The following DYRK1B variants were observed in gnomAD, a reference collection of about 807,000 sequenced individuals.
The protein encoded by DYRK1B is dual specificity tyrosine phosphorylation regulated kinase 1B.
A neutral mutation model predicts 57.1 loss-of-function variants in DYRK1B; 20 were observed. The ratio of observed to expected loss-of-function variants is 0.35; its 90% confidence interval spans 0.25 to 0.51. The LOEUF (loss-of-function observed/expected upper bound fraction) is 0.51. Ranked by LOEUF, DYRK1B falls within the 20% of genes least tolerant of loss-of-function variation. The pLI, the probability that DYRK1B is intolerant of heterozygous loss-of-function variation, is 0.96. For missense variants in DYRK1B, 732 were observed against 886.3 expected, an observed-to-expected ratio of 0.83 and a Z score of 2.21; for synonymous variants, 409 against 384.7, an observed-to-expected ratio of 1.06 and a Z score of -0.74.
rs147939499 is a variant in DYRK1B, at chr19:39,826,114, T to C, written c.1519-28A>G. The C allele has an allele frequency of 1.1e-3, 1,688 of 1,547,670 alleles. 15 individuals are homozygous for C. In the African/African-American group the frequency reaches 0.013, roughly 12 times the overall value. On this transcript the variant is annotated intron_variant, in intron 10 of 10. Coordinates refer to ENST00000323039, the MANE Select transcript of DYRK1B (RefSeq NM_004714.3). The surrounding 1 kb of genome is among the most constrained non-coding windows in gnomAD (Gnocchi z 6.3). ...AAAAAAGCAAAGGAGCCATGGGTGA[T>C]GGAGACCCTGGTCTCTAAGCCCCAG... is the stretch of plus-strand genomic sequence containing the variant.
At chr19:39,831,730 C>A in intron 2 of DYRK1B, 75 bp downstream of exon 2, 1 of 1,532,990 alleles carries the variant, frequency 6.5e-7, no homozygotes, top group African/African-American at 1.4e-5. Flanking sequence ...ACCACACTAC[C>A]TTTTGGTCTG....
In DYRK1B at chr19:39,827,673, C is replaced by G. The variant is rs750833274; in HGVS notation, c.808-17G>C. On this transcript the variant is annotated splice_polypyrimidine_tract_variant and intron_variant, in intron 6 of 10. Transcript: ENST00000323039. The stretch of plus-strand genomic sequence containing the variant: ...CTGGTAGATCTGGGAAAAGGGTAAT[C>G]GTCAAGGGACCCAGCCTCCCCTACT... 1 of 1,608,760 alleles carries G rather than the reference C, an allele frequency of 6.2e-7. No individual in the cohort carries two copies. The highest frequency in any genetic ancestry group is 8.5e-7 in the Non-Finnish European group (1 of 1,175,902).
rs1968599422 is a variant in DYRK1B, at chr19:39,827,514, T to C, written c.950A>G (p.Asn317Ser). 3 of 1,613,796 alleles carry C rather than the reference T, an allele frequency of 1.9e-6. No individual in the cohort carries two copies. Among genetic ancestry groups the C allele is most frequent in the East Asian group, 4.5e-5 (2 of 44,872 alleles). ...HTGEPLFSGSNEVDQMNRIVE... is the reference protein window; with the variant it reads ...HTGEPLFSGSSEVDQMNRIVE... ...CACCCCTTCCTGGGGGCACACCTCATTGGAGCCACTGAAGAGGGGCTCTCC... is the reference window on the plus strand; with the variant it reads ...CACCCCTTCCTGGGGGCACACCTCACTGGAGCCACTGAAGAGGGGCTCTCC... Residue 317 changes from asparagine (N) to serine (S), a missense_variant, in exon 7 of 11, where the codon AAT becomes AGT. Around this residue, in one of 2 missense-constraint regions of DYRK1B, gnomAD observed 510 missense variants for 681.3 expected, o/e 0.75. Coordinates refer to ENST00000323039, the MANE Select transcript of DYRK1B (RefSeq NM_004714.3).
Position 39,830,715 on chromosome 19 carries a change from C to A in DYRK1B, c.132G>T (p.Pro44=), listed in dbSNP as rs142076547. 2 of 1,614,140 alleles carry A rather than the reference C, an allele frequency of 1.2e-6. No individual in the cohort carries two copies. Residue 44 remains proline (P), a synonymous_variant, in exon 3 of 11, where the codon CCG becomes CCT. Coordinates refer to ENST00000323039, the MANE Select transcript of DYRK1B (RefSeq NM_004714.3). ...PLAFRDATSA[P]LRKLSVDLIK... ...TGAGGTCCACAGAGAGCTTACGCAGCGGGGCTGAGGTTGCATCCCGGAAGG... is the reference window on the plus strand; with the variant it reads ...TGAGGTCCACAGAGAGCTTACGCAGAGGGGCTGAGGTTGCATCCCGGAAGG...
intron 5 of DYRK1B, among the ~76,000 whole-genome samples, chr19:39,829,548 G>A (rs762871996): frequency 2.0e-5 from 3 of 152,146 alleles, no homozygotes; most frequent in Non-Finnish European, 2.9e-5. Context: ...TTTTATTGAA[G>A]AAGAAACTAG....
At position 39,825,719 on chromosome 19, in the gene DYRK1B, G is replaced by A. The variant is rs777521243; in HGVS notation, c.1886C>T (p.Ser629Leu). ...GGCCCCAGGGAGGGGGCAGGGTCACGAGCTGGCTGCTGTGCTCTGGGGTAC... is the reference window on the plus strand; with the variant it reads ...GGCCCCAGGGAGGGGGCAGGGTCACAAGCTGGCTGCTGTGCTCTGGGGTAC... ...RGVPQSTAAS[S>L] Residue 629 changes from serine (S) to leucine (L), a missense_variant, in exon 11 of 11, where the codon TCG becomes TTG. This residue lies in a region of DYRK1B where 222 missense variants were observed against 205.0 expected (regional missense o/e 1.08). Coordinates refer to ENST00000323039, the MANE Select transcript of DYRK1B (RefSeq NM_004714.3). The A allele has an allele frequency of 1.3e-5, 20 of 1,550,146 alleles. No homozygotes were observed. The highest frequency in any genetic ancestry group is 4.9e-5 in the East Asian group (2 of 40,986).
chr19:39,833,394 C>T (rs1968918950), intron 1 of DYRK1B: 2 of 980,022 alleles, frequency 2.0e-6, no homozygotes, highest in Non-Finnish European at 2.4e-6. Context: ...CTGGCCCGGC[C>T]GGCCCCGCGG....
At chr19:39,827,014 G>GGCC in intron 8 of DYRK1B, 27 bp from the exon 9 acceptor site, 7 of 419,594 alleles carry the variant, frequency 1.7e-5, no homozygotes, top group Non-Finnish European at 3.0e-5. Context: ...GGGAGGGGGG[G>GGCC]CAAGAGAGTG....
rs1968499569 is a variant in DYRK1B, at chr19:39,825,803, G to T, written c.1802C>A (p.Pro601Gln). The T allele has an allele frequency of 1.3e-6, 2 of 1,589,450 alleles. No homozygotes were observed. Among genetic ancestry groups the T allele is most frequent in the Admixed American group, 3.6e-5 (2 of 55,260 alleles). The change falls in exon 11 of 11, where the codon CCA (proline) becomes CAA (glutamine). Residue 601 changes from proline to glutamine, a missense_variant. This residue lies in a region of DYRK1B where 222 missense variants were observed against 205.0 expected (regional missense o/e 1.08). Coordinates refer to ENST00000323039, the MANE Select transcript of DYRK1B (RefSeq NM_004714.3). Reference sequence around the variant, plus strand: ...AGGGTCATCAGGAGGCGGGAGGGGTGGACGACCTCCAGTCATCCGAGTCCG... The same window carrying T: ...AGGGTCATCAGGAGGCGGGAGGGGTTGACGACCTCCAGTCATCCGAGTCCG... ...ALRTRMTGGRPPLPPPDDPAT... is the reference protein window; with the variant it reads ...ALRTRMTGGRQPLPPPDDPAT...
rs772161282 is a variant in DYRK1B, at chr19:39,830,531, C to G, written c.216G>C (p.Gln72His). 1 of 1,612,950 alleles carries G rather than the reference C, an allele frequency of 6.2e-7. No homozygotes were observed. The highest frequency in any genetic ancestry group is 2.2e-5 in the East Asian group (1 of 44,890). ...VYYAKKKRRAQQAPPQDSSNK... is the reference protein window; with the variant it reads ...VYYAKKKRRAHQAPPQDSSNK... The stretch of plus-strand genomic sequence containing the variant: ...TGCTCGAATCCTGGGGTGGCGCCTG[C>G]TGGGCCCGCCGCTTCTTCTTCGCAT... Residue 72 changes from glutamine (Q) to histidine (H), a missense_variant, in exon 4 of 11, where the codon CAG becomes CAC. Gln to His is a conservative substitution (Grantham distance 24). Around this residue, in one of 2 missense-constraint regions of DYRK1B, gnomAD observed 510 missense variants for 681.3 expected, o/e 0.75. Coordinates refer to ENST00000323039, the MANE Select transcript of DYRK1B (RefSeq NM_004714.3).
At position 39,827,282 on chromosome 19, in the gene DYRK1B, C is replaced by T. The variant is rs1568530446; in HGVS notation, c.1095+3G>A. 6.2e-7 allele frequency: 1 copy of T among 1,608,176 alleles called. No homozygotes were observed. The highest frequency in any genetic ancestry group is 1.7e-4 in the Middle Eastern group (1 of 5,756). On this transcript the variant is annotated splice_donor_region_variant and intron_variant, in intron 8 of 10. Transcript: ENST00000323039. ...GAGGAGTGGCATGGGGCAGGGGCCG[C>T]ACCTTCCTGAGTTCTTTCGTCCTTC...
Position 39,830,044 on chromosome 19 carries a change from T to C in DYRK1B, c.373-17A>G, listed in dbSNP as rs756514911. ...TTTCACCACCTGTTGGGGCAGGGCA[T>C]GTCACGAAGAAAGGGGTGGGAGCAG... On this transcript the variant is annotated splice_polypyrimidine_tract_variant and intron_variant, in intron 4 of 10. Coordinates refer to ENST00000323039, the MANE Select transcript of DYRK1B (RefSeq NM_004714.3). 1.2e-5 allele frequency: 19 copies of C among 1,613,182 alleles called. No individual in the cohort carries two copies. The highest frequency in any genetic ancestry group is 2.7e-5 in the African/African-American group (2 of 74,834).
Position 39,825,808 on chromosome 19 carries a change from A to G in DYRK1B, c.1797T>C (p.Gly599=), listed in dbSNP as rs943781686. 6.3e-7 allele frequency: 1 copy of G among 1,597,278 alleles called. No homozygotes were observed. Among genetic ancestry groups the G allele is most frequent in the Admixed American group, 1.8e-5 (1 of 56,918 alleles). Residue 599 remains glycine, a synonymous_variant, in exon 11 of 11, where the codon GGT becomes GGC. Transcript: ENST00000323039. ...ASALRTRMTG[G]RPPLPPPDDP... The stretch of plus-strand genomic sequence containing the variant: ...CATCAGGAGGCGGGAGGGGTGGACG[A>G]CCTCCAGTCATCCGAGTCCGGAGGG...
At chr19:39,833,031 G>C (rs1968895973) in intron 1 of DYRK1B, 1 of 985,160 alleles carries the variant, frequency 1.0e-6, no homozygotes, top group South Asian at 4.7e-5. Flanking sequence ...CACTCCTAGA[G>C]GGCCTCAAAG....
At position 39,831,144 on chromosome 19, in the gene DYRK1B, C is replaced by T. The variant is rs147360540; in HGVS notation, c.64-361G>A. Among the ~76,000 whole-genome samples the T allele has an allele frequency of 1.5e-3, 230 of 152,240 alleles. 1 individual carries two copies. Among genetic ancestry groups the T allele is most frequent in the African/African-American group, 5.2e-3 (218 of 41,542 alleles). On this transcript the variant is annotated intron_variant, in intron 2 of 10. Coordinates refer to ENST00000323039, the MANE Select transcript of DYRK1B (RefSeq NM_004714.3). ...ACTTTGAAGCCAGCCATTTTGGGTA[C>T]CCTCTGAAGTACCTCTATCTCAATT...
intron 1 of DYRK1B, chr19:39,833,248 C>G: frequency 1.0e-6 from 1 of 985,604 alleles, no homozygotes; most frequent in South Asian, 4.7e-5. Flanking sequence ...GATCATCTCT[C>G]CCAGCCCCCA....
At chr19:39,831,215 G>C (rs1032849313) in intron 2 of DYRK1B, among the ~76,000 whole-genome samples, 6 of 152,004 alleles carry the variant, frequency 3.9e-5, no homozygotes, top group African/African-American at 9.7e-5. Flanking sequence ...CCAACTCTTT[G>C]CACAGTTCTT....
At position 39,825,875 on chromosome 19, in the gene DYRK1B, G is replaced by A. The variant is rs1206450389; in HGVS notation, c.1730C>T (p.Pro577Leu). The change falls in exon 11 of 11, where the codon CCA becomes CTA. Residue 577 changes from proline (P) to leucine (L), a missense_variant. Pro to Leu is a moderately conservative substitution (Grantham distance 98). Transcript: ENST00000323039. ...CTGGGGGGCAGGCGCTGGGTGAGGTGGGGAGCAGTCAGCAGGGCCGCCCAC... is the reference window on the plus strand; with the variant it reads ...CTGGGGGGCAGGCGCTGGGTGAGGTAGGGAGCAGTCAGCAGGGCCGCCCAC... ...SLVGGPADCS[P>L]PHPAPAPQHP... 1 of 1,596,726 alleles carries A rather than the reference G, an allele frequency of 6.3e-7. No individual in the cohort carries two copies. Among genetic ancestry groups the A allele is most frequent in the Non-Finnish European group, 8.5e-7 (1 of 1,172,160 alleles).
chr19:39,830,092 C>T, intron 4 of DYRK1B, 65 bp from the exon 5 acceptor site: 1 of 1,579,812 alleles, frequency 6.3e-7, no homozygotes. Flanking sequence ...CACCATTCTT[C>T]TCCCTCCAGG....
Sources: gnomAD v4.1 joint callset for allele counts (sites outside exome capture counted in the v4.1 genomes callset) on GRCh38, gnomAD v4.1.1 for gene constraint, gnomAD v4.1.1 regional missense constraint, Gnocchi (gnomAD v3.1) non-coding constraint, MANE v1.5 for transcripts, NCBI Gene and HGNC (gene_info 2026-07-23, HGNC 2026-07-21) for gene names.